UNC13C: variants seen among roughly 807,000 people sequenced by gnomAD.
UNC13C encodes the protein unc-13 homolog C, also known as protein unc-13 homolog C.
UNC13C carries 174 observed loss-of-function variants against 245.4 expected under a neutral mutation model. The ratio of observed to expected loss-of-function variants is 0.71; its 90% CI spans 0.63 to 0.80. The LOEUF (loss-of-function observed/expected upper bound fraction) is 0.80, where lower values mean the gene tolerates loss of function less well. Among genes scored for constraint, UNC13C ranks in the 30% least tolerant of loss-of-function variants. The pLI is 0.00. For synonymous variants in UNC13C, 992 were observed against 895.1 expected, an observed-to-expected ratio of 1.11 and a Z score of -1.93; for missense variants, 2,829 against 2,602.9, an observed-to-expected ratio of 1.09 and a Z score of -1.89.
intron 13 of UNC13C, among the ~76,000 whole-genome samples, chr15:54,309,198 C>T (rs2037805494): frequency 6.6e-6 from 1 of 151,712 alleles, no homozygotes; most frequent in Admixed American, 6.6e-5. Context: ...AATAGCCATT[C>T]CAATAGGAGT....
chr15:54,178,616 G>T (rs951156638), intron 4 of UNC13C, among the ~76,000 whole-genome samples: 2 of 152,174 alleles, frequency 1.3e-5, no homozygotes, highest in East Asian at 1.9e-4. Context: ...TGTTGTTTTC[G>T]TCCCTGGAAA....
chr15:53,893,457 C>T, the UNC13C span, among the ~76,000 whole-genome samples: 2 of 152,204 alleles, frequency 1.3e-5, no homozygotes, highest in African/African-American at 4.8e-5. Context: ...CACCCATAGC[C>T]ACCCCTTCCC....
chr15:54,463,822 A>C (rs1181288738), intron 19 of UNC13C, among the ~76,000 whole-genome samples: 1 of 152,158 alleles, frequency 6.6e-6, no homozygotes, highest in Non-Finnish European at 1.5e-5. Flanking sequence ...AATTCTTGAA[A>C]TTGAGAGTTG....
chr15:54,102,028 T>G (rs954129951), intron 2 of UNC13C, among the ~76,000 whole-genome samples: 4 of 149,964 alleles, frequency 2.7e-5, no homozygotes, highest in African/African-American at 9.9e-5. Context: ...ATATGTATTA[T>G]CTCATTTGAC....
intron 2 of UNC13C, among the ~76,000 whole-genome samples, chr15:54,061,475 ACT>A (rs1210340895): frequency 1.3e-5 from 2 of 152,004 alleles, no homozygotes; most frequent in African/African-American, 4.8e-5. Context: ...TAATTGGATC[ACT>A]CTCTGTTGAA....
intron 22 of UNC13C, among the ~76,000 whole-genome samples, chr15:54,506,187 G>A (rs2141108165): frequency 6.6e-6 from 1 of 152,246 alleles, no homozygotes; most frequent in East Asian, 1.9e-4. Context: ...CAATGTCTGA[G>A]TTACAACGAT....
In UNC13C at chr15:54,440,307, G is replaced by A. The variant is rs573559550; in HGVS notation, c.4933+25240G>A. On this transcript the variant is annotated intron_variant, in intron 19 of 32. Coordinates refer to ENST00000260323, the MANE Select transcript of UNC13C (RefSeq NM_001080534.3). Reference sequence around the variant, plus strand: ...ACTTATTTCCTTTATAAATTACCCAGCCTTGGGTATTTCTTTATGGCAGTG... The same window carrying A: ...ACTTATTTCCTTTATAAATTACCCAACCTTGGGTATTTCTTTATGGCAGTG... 2.3e-4 allele frequency among the ~76,000 whole-genome samples: 35 copies of A among 151,988 alleles called. No individual in the cohort carries two copies. In the South Asian group the frequency reaches 7.3e-3, roughly 31 times the overall value.
At chr15:54,038,122 A>ATTTTT (rs1355738786) in intron 2 of UNC13C, among the ~76,000 whole-genome samples, 3 of 50,256 alleles carry the variant, frequency 6.0e-5, no homozygotes, top group African/African-American at 9.5e-5. Context: ...ATATATATAT[A>ATTTTT]TATTTTTTTT....
chr15:53,927,311 A>G, the UNC13C span, among the ~76,000 whole-genome samples: 1 of 152,204 alleles, frequency 6.6e-6, no homozygotes, highest in Non-Finnish European at 1.5e-5. Context: ...TTTGCTATGC[A>G]GGGAATGGAC....
intron 19 of UNC13C, among the ~76,000 whole-genome samples, chr15:54,441,468 C>A (rs573259296): frequency 3.0e-4 from 45 of 152,080 alleles, no homozygotes; most frequent in African/African-American, 1.1e-3. Context: ...TGGAGGGAAT[C>A]AGTAGGCACC....
At chr15:54,588,598 T>A (rs1255595464) in intron 30 of UNC13C, among the ~76,000 whole-genome samples, 3 of 152,054 alleles carry the variant, frequency 2.0e-5, no homozygotes, top group Non-Finnish European at 4.4e-5. Flanking sequence ...ACCCAAGGAG[T>A]ATACACTGCG....
intron 24 of UNC13C, among the ~76,000 whole-genome samples, chr15:54,518,201 T>G (rs1895065031): frequency 6.6e-6 from 1 of 152,204 alleles, no homozygotes; most frequent in Admixed American, 6.5e-5. Flanking sequence ...TGTTTAATAA[T>G]TTAGCACTAC....
chr15:53,965,721 C>T, the UNC13C span, among the ~76,000 whole-genome samples: 1 of 151,988 alleles, frequency 6.6e-6, no homozygotes, highest in Non-Finnish European at 1.5e-5. Context: ...CCCCACTCCC[C>T]CTACCCCACA....
At chr15:54,400,458 T>G (rs2140928408) in intron 18 of UNC13C, among the ~76,000 whole-genome samples, 1 of 152,290 alleles carries the variant, frequency 6.6e-6, no homozygotes, top group South Asian at 2.1e-4. Flanking sequence ...TTCCATTTGC[T>G]TCCTTGTGGT....
chr15:54,433,409 G>A (rs571815691), intron 19 of UNC13C, among the ~76,000 whole-genome samples: 1 of 152,106 alleles, frequency 6.6e-6, no homozygotes, highest in East Asian at 1.9e-4. Flanking sequence ...TTCATCCCTG[G>A]GATGCAAGTC....
intron 2 of UNC13C, among the ~76,000 whole-genome samples, chr15:54,054,964 A>C (rs1160600291): frequency 2.0e-5 from 3 of 152,118 alleles, no homozygotes; most frequent in Non-Finnish European, 4.4e-5. Flanking sequence ...CATCTGAATC[A>C]ACTGTGGCCT....
chr15:53,975,626 C>T (rs1210724086), upstream of UNC13C, among the ~76,000 whole-genome samples: 1 of 152,120 alleles, frequency 6.6e-6, no homozygotes. Context: ...ACAAGAATGA[C>T]CCCTTTACTT....
intron 2 of UNC13C, among the ~76,000 whole-genome samples, chr15:54,054,762 A>G (rs1897429755): frequency 6.6e-6 from 1 of 152,204 alleles, no homozygotes; most frequent in Non-Finnish European, 1.5e-5. Context: ...TGCCAAGTAA[A>G]TGAGAGCCCA....
Position 54,049,138 on chromosome 15 carries a change from G to A in UNC13C, c.2983+33252G>A, listed in dbSNP as rs560884727. ...GCAATTTTCAAGATTGCATCCTTAC[G>A]AGGAAGAAGCTTTCCATCATCTAAT... On this transcript the variant is annotated intron_variant, in intron 2 of 32. Coordinates refer to ENST00000260323, the MANE Select transcript of UNC13C (RefSeq NM_001080534.3). 3.1e-4 allele frequency: 118 copies of A among 380,900 alleles called. 1 individual carries two copies. Among genetic ancestry groups the A allele is most frequent in the South Asian group, 1.3e-3 (55 of 41,976 alleles). The allele number at this position is 380,900 out of a possible 1,614,324, so 23.6% of individuals were successfully genotyped here.
Sources: gnomAD v4.1 joint callset for allele counts (sites outside exome capture counted in the v4.1 genomes callset) on GRCh38, gnomAD v4.1.1 for gene constraint, MANE v1.5 for transcripts, NCBI Gene and HGNC (gene_info 2026-07-23, HGNC 2026-07-21) for gene names.